The following CPEB1 variants were observed in gnomAD, a reference collection of about 807,000 sequenced individuals.
The protein encoded by CPEB1 is cytoplasmic polyadenylation element-binding protein 1.
Under a neutral mutation model 65.8 loss-of-function variants are expected in CPEB1, and 7 were observed. The observed-to-expected ratio is 0.11, with a 90% CI of 0.06 to 0.20. CPEB1 has a LOEUF of 0.20. Among genes scored for constraint, CPEB1 ranks in the 10% least tolerant of loss-of-function variants. The pLI, the probability that CPEB1 is intolerant of heterozygous loss-of-function variation, is 1.00. For missense variants in CPEB1, 551 were observed against 712.2 expected, an observed-to-expected ratio of 0.77 and a Z score of 2.58; for synonymous variants, 262 against 260.0, an observed-to-expected ratio of 1.01 and a Z score of -0.08.
At chr15:82,590,011 G>A (rs555498311) in intron 3 of CPEB1, among the ~76,000 whole-genome samples, 1 of 151,984 alleles carries the variant, frequency 6.6e-6, no homozygotes, top group Non-Finnish European at 1.5e-5. Context: ...ATGCACAGGA[G>A]GTCCTGGATT....
chr15:82,626,306 T>C (rs1191095203), intron 3 of CPEB1, among the ~76,000 whole-genome samples: 1 of 151,664 alleles, frequency 6.6e-6, no homozygotes, highest in African/African-American at 2.4e-5. Context: ...TGGTGGCGCG[T>C]GCCTGTAATC....
intron 3 of CPEB1, among the ~76,000 whole-genome samples, chr15:82,616,121 G>A (rs946971984): frequency 6.6e-6 from 1 of 151,912 alleles, no homozygotes; most frequent in Non-Finnish European, 1.5e-5. Flanking sequence ...CATATTCTTT[G>A]CATAAAGATT....
At chr15:82,561,701 A>G (rs2038239296) in intron 4 of CPEB1, among the ~76,000 whole-genome samples, 2 of 152,192 alleles carry the variant, frequency 1.3e-5, no homozygotes, top group African/African-American at 4.8e-5. Flanking sequence ...ACCAGCCACA[A>G]ACCCATCTAC....
intron 1 of CPEB1, chr15:82,629,725 C>T: frequency 1.0e-6 from 1 of 985,412 alleles, no homozygotes. Flanking sequence ...AGTAATGAAA[C>T]TGGCACTTAA....
At chr15:82,635,339 G>T (rs2046572384) in intron 1 of CPEB1, among the ~76,000 whole-genome samples, 1 of 152,174 alleles carries the variant, frequency 6.6e-6, no homozygotes, top group African/African-American at 2.4e-5. Flanking sequence ...TTTCCTTATG[G>T]AAGAATGTAA....
chr15:82,627,506 A>G lies in CPEB1; in HGVS notation c.97-139T>C, dbSNP rs185973111. On this transcript the variant is annotated intron_variant, in intron 2 of 12. Transcript: ENST00000684509. ...TTAAAACACTTAATGAGTGTTTACT[A>G]TGAGCTAAGTACTCGGAACTGTAAG... The G allele has an allele frequency of 2.5e-4, 157 of 616,430 alleles. No homozygotes were observed. In the African/African-American group the frequency reaches 2.8e-3, roughly 11 times the overall value. 38.2% of individuals were successfully genotyped at this position (616,430 alleles called of 1,614,324 possible). A position where few individuals can be genotyped will look rare whatever the true frequency, so the allele number is the denominator to read the frequency against.
intron 3 of CPEB1, among the ~76,000 whole-genome samples, chr15:82,613,878 G>GC (rs1161258344): frequency 4.0e-5 from 6 of 151,856 alleles, no homozygotes; most frequent in Non-Finnish European, 7.4e-5. Context: ...CCCCCTCAAT[G>GC]CCCCCCTGGG....
At chr15:82,579,408 G>A (rs955546272) in intron 3 of CPEB1, among the ~76,000 whole-genome samples, 3 of 151,992 alleles carry the variant, frequency 2.0e-5, no homozygotes, top group African/African-American at 4.8e-5. Context: ...TGGCTTAGGC[G>A]ACAGGTACCT....
intron 1 of CPEB1, among the ~76,000 whole-genome samples, chr15:82,634,731 G>C (rs2151355344): frequency 6.6e-6 from 1 of 151,378 alleles, no homozygotes; most frequent in Middle Eastern, 3.4e-3. Flanking sequence ...TTAATCAGAT[G>C]GTTTTTAAAT....
intron 3 of CPEB1, 82 bp from the exon 4 acceptor site, chr15:82,571,614 AAT>A (rs2040043947): frequency 6.6e-7 from 1 of 1,511,042 alleles, no homozygotes; most frequent in East Asian, 2.3e-5. Context: ...TATTATTAAT[AAT>A]AGTTTCCCCA....
intron 3 of CPEB1, among the ~76,000 whole-genome samples, chr15:82,614,326 T>C (rs1421025916): frequency 1.3e-5 from 2 of 152,196 alleles, no homozygotes; most frequent in Non-Finnish European, 2.9e-5. Flanking sequence ...TTTCTTGACC[T>C]GGGTAGTGGT....
At chr15:82,580,747 C>A (rs994098399) in intron 3 of CPEB1, among the ~76,000 whole-genome samples, 30 of 152,118 alleles carry the variant, frequency 2.0e-4, no homozygotes, top group Non-Finnish European at 3.8e-4. Flanking sequence ...ATTGTAGGGA[C>A]CTTGTAAGTG....
intron 3 of CPEB1, among the ~76,000 whole-genome samples, chr15:82,572,498 GC>G (rs1207906048): frequency 6.6e-6 from 1 of 152,082 alleles, no homozygotes; most frequent in Admixed American, 6.5e-5. Context: ...TAATCCCTGT[GC>G]CCAGGTTCCC....
chr15:82,648,477 G>T (rs587612594), upstream of CPEB1: 10 of 152,422 alleles, frequency 6.6e-5, no homozygotes, highest in Non-Finnish European at 1.5e-4. Context: ...AGGGGGCCGC[G>T]AGAGTCAGGA....
chr15:82,647,701 C>T (rs1039737047), upstream of CPEB1: 1 of 553,596 alleles, frequency 1.8e-6, no homozygotes, highest in Middle Eastern at 5.8e-4. Context: ...CCACGAGGCC[C>T]CACGCCCGCG....
chr15:82,569,792 CT>C (rs1163301329), intron 4 of CPEB1, among the ~76,000 whole-genome samples: 1 of 152,182 alleles, frequency 6.6e-6, no homozygotes, highest in African/African-American at 2.4e-5. Context: ...AAGACAGTGC[CT>C]TGGTCAAACA....
chr15:82,553,879 T>C lies in CPEB1; in HGVS notation c.1053A>G (p.Glu351=), dbSNP rs756369401. 6.3e-7 allele frequency: 1 copy of C among 1,593,562 alleles called. No homozygotes were observed. The highest frequency in any genetic ancestry group is 8.6e-7 in the Non-Finnish European group (1 of 1,162,126). The change falls in exon 7 of 13, where the codon GAA becomes GAG. Residue 351 remains glutamate (E), a splice_region_variant and synonymous_variant. Coordinates refer to ENST00000684509, the MANE Select transcript of CPEB1 (RefSeq NM_001365242.1). ...AAGCAGGTCTTAGAGACAGCTCACCTTCTGTAATATCCCAAGGAACACCTC... is the reference window on the plus strand; with the variant it reads ...AAGCAGGTCTTAGAGACAGCTCACCCTCTGTAATATCCCAAGGAACACCTC... ...FLGGVPWDIT[E]AGLVNTFRVF...
intron 3 of CPEB1, among the ~76,000 whole-genome samples, chr15:82,605,793 C>T (rs976732513): frequency 1.3e-5 from 2 of 152,124 alleles, no homozygotes; most frequent in African/African-American, 4.8e-5. Flanking sequence ...AATCCTAGCA[C>T]TTTGGGAGGC....
chr15:82,554,132 T>C lies in CPEB1; in HGVS notation c.941-141A>G, dbSNP rs537932087. 10 of 552,032 alleles carry C rather than the reference T, an allele frequency of 1.8e-5. No homozygotes were observed. The South Asian group carries it at 2.7e-4, about 15-fold the overall frequency. 34.2% of individuals were successfully genotyped at this position (552,032 alleles called of 1,614,324 possible). Reference sequence around the variant, plus strand: ...TGCCTGAGAGAATATCCATGATTATTCTGAAAAGCAAGAAATCTATGTCTC... The same window carrying C: ...TGCCTGAGAGAATATCCATGATTATCCTGAAAAGCAAGAAATCTATGTCTC... On this transcript the variant is annotated intron_variant, in intron 6 of 12. Coordinates refer to ENST00000684509, the MANE Select transcript of CPEB1 (RefSeq NM_001365242.1).
Sources: allele counts gnomAD v4.1 joint callset (sites outside exome capture counted in the v4.1 genomes callset), GRCh38; gene constraint gnomAD v4.1.1; transcripts MANE v1.5; gene names NCBI Gene and HGNC (gene_info 2026-07-23, HGNC 2026-07-21).